Variants in LAMA3 observed in about 807,000 individuals in gnomAD.
LAMA3 encodes laminin subunit alpha 3.
LAMA3 carries 281 observed loss-of-function variants against 402.0 expected under a neutral mutation model. The observed-to-expected ratio is 0.70, with a 90% CI of 0.63 to 0.77. The LOEUF (loss-of-function observed/expected upper bound fraction) is 0.77. LAMA3 is among the 30% of genes least tolerant of loss of function. The pLI is 0.00. For missense variants in LAMA3, 3,840 were observed against 4,215.5 expected (o/e 0.91, Z 2.47); for synonymous variants, 1,431 against 1,558.4 (o/e 0.92, Z 1.93).
In LAMA3 at chr18:23,813,033, T is replaced by A. The variant is rs780154649; in HGVS notation, c.1742-24T>A. On this transcript the variant is annotated intron_variant, in intron 13 of 74. Transcript: ENST00000313654. ...GAGAAAAACAAACTACCAGATAATTTAAAAATTTCTGAATCATATTCAGGT... is the reference window on the plus strand; with the variant it reads ...GAGAAAAACAAACTACCAGATAATTAAAAAATTTCTGAATCATATTCAGGT... 50 of 1,567,302 alleles carry A rather than the reference T, an allele frequency of 3.2e-5. 1 individual carries two copies. Among genetic ancestry groups the A allele is most frequent in the Non-Finnish European group, 4.2e-5 (48 of 1,138,002 alleles).
chr18:23,847,766 C>A, intron 32 of LAMA3, 98 bp downstream of exon 32: 1 of 1,271,576 alleles, frequency 7.9e-7, no homozygotes, highest in Non-Finnish European at 1.1e-6. Context: ...CCCACCTGTC[C>A]AGGGGTGCCC....
intron 61 of LAMA3, 88 bp from the exon 62 acceptor site, chr18:23,921,364 A>T: frequency 7.1e-7 from 1 of 1,402,698 alleles, no homozygotes; most frequent in Non-Finnish European, 9.7e-7. Context: ...CTGGGGGAAG[A>T]TAAATAAAAA....
chr18:23,862,022 AC>A lies in LAMA3; in HGVS notation c.4584+217del, dbSNP rs529392275. Among the ~76,000 whole-genome samples, 166 of 152,350 alleles carry A rather than the reference AC, an allele frequency of 1.1e-3. 1 individual carries two copies. The highest frequency in any genetic ancestry group is 1.9e-3 in the Non-Finnish European group (129 of 68,032). On this transcript the variant is annotated intron_variant, in intron 35 of 74. Coordinates refer to ENST00000313654, the MANE Select transcript of LAMA3 (RefSeq NM_198129.4). ...GCCCCACCATTGCCATGCATGAGCT[AC>A]CAGCAAAGGAAATCACCCACAATGT...
At position 23,946,201 on chromosome 18, in the gene LAMA3, C is replaced by G. The variant is rs543847542; in HGVS notation, c.9268C>G (p.Arg3090Gly). Reference protein sequence around the residue: ...GRLVVDGLRAREGSLPGNSTI... With the variant: ...GRLVVDGLRAGEGSLPGNSTI... ...CTTGGTTGTGGATGGACTGAGGGCC[C>G]GGGAGGGAAGTTTGCCTGGAAACTC... Residue 3090 changes from arginine to glycine, a missense_variant, in exon 70 of 75, where the codon CGG becomes GGG. Transcript: ENST00000313654. The G allele has an allele frequency of 6.2e-7, 1 of 1,613,954 alleles. No individual in the cohort carries two copies. The highest frequency in any genetic ancestry group is 8.5e-7 in the Non-Finnish European group (1 of 1,179,936).
In LAMA3 at chr18:23,770,578, G is replaced by A. The variant is rs182484715; in HGVS notation, c.1183-2919G>A. Among the ~76,000 whole-genome samples, 183 of 152,180 alleles carry A rather than the reference G, an allele frequency of 1.2e-3. 4 individuals are homozygous for A. In the East Asian group the frequency reaches 0.027, roughly 22 times the overall value. On this transcript the variant is annotated intron_variant, in intron 8 of 74. Coordinates refer to ENST00000313654, the MANE Select transcript of LAMA3 (RefSeq NM_198129.4). Reference sequence around the variant, plus strand: ...AGATTGAGACCATCCTGGCTAATACGGTGAAACCCTGACTCTACTAAAAAT... The same window carrying A: ...AGATTGAGACCATCCTGGCTAATACAGTGAAACCCTGACTCTACTAAAAAT...
intron 2 of LAMA3, among the ~76,000 whole-genome samples, chr18:23,732,050 T>G (rs2061403393): frequency 6.6e-6 from 1 of 151,812 alleles, no homozygotes; most frequent in Non-Finnish European, 1.5e-5. Flanking sequence ...GGAACAAGGG[T>G]GTGTATTATG....
intron 1 of LAMA3, among the ~76,000 whole-genome samples, chr18:23,691,200 C>T (rs554653094): frequency 4.9e-4 from 75 of 152,172 alleles, no homozygotes; most frequent in Non-Finnish European, 7.5e-4. Context: ...TTTGACCATG[C>T]ACTTCCATAA....
At chr18:23,860,319 T>C (rs1484500097) in intron 34 of LAMA3, among the ~76,000 whole-genome samples, 1 of 144,866 alleles carries the variant, frequency 6.9e-6, no homozygotes, top group Non-Finnish European at 1.5e-5. Context: ...AGTGTAGTGG[T>C]GTGATCACAG....
At chr18:23,829,116 C>T (rs1436688127) in intron 23 of LAMA3, among the ~76,000 whole-genome samples, 2 of 152,170 alleles carry the variant, frequency 1.3e-5, no homozygotes, top group African/African-American at 4.8e-5. Context: ...TGACTATATA[C>T]ATAGACTTAT....
chr18:23,769,040 A>G (rs1034922919), intron 8 of LAMA3, among the ~76,000 whole-genome samples: 1 of 152,240 alleles, frequency 6.6e-6, no homozygotes, highest in Admixed American at 6.5e-5. Flanking sequence ...ATTGGGTACT[A>G]TGCTCAGTAC....
At chr18:23,940,267 G>A (rs185900572) in intron 68 of LAMA3, among the ~76,000 whole-genome samples, 108 of 152,286 alleles carry the variant, frequency 7.1e-4, no homozygotes, top group African/African-American at 2.1e-3. Flanking sequence ...GCCTCGGGTC[G>A]CAGTCCACAG....
intron 2 of LAMA3, among the ~76,000 whole-genome samples, chr18:23,725,574 G>C (rs1287675565): frequency 6.6e-6 from 1 of 152,134 alleles, no homozygotes; most frequent in Non-Finnish European, 1.5e-5. Context: ...TCCCCATAAG[G>C]GGGGCTCCAG....
At chr18:23,869,523 T>A (rs1287017616) in intron 37 of LAMA3, among the ~76,000 whole-genome samples, 2 of 152,204 alleles carry the variant, frequency 1.3e-5, no homozygotes, top group East Asian at 3.8e-4. Flanking sequence ...ATGCTTAAAA[T>A]GAGGGAATAT....
At chr18:23,734,099 C>T (rs191092169) in intron 2 of LAMA3, among the ~76,000 whole-genome samples, 42 of 152,328 alleles carry the variant, frequency 2.8e-4, no homozygotes, top group South Asian at 1.2e-3. Flanking sequence ...GAAAAAGTGA[C>T]GCAACATCTC....
At chr18:23,736,844 T>C (rs1163786791) in intron 2 of LAMA3, among the ~76,000 whole-genome samples, 1 of 152,136 alleles carries the variant, frequency 6.6e-6, no homozygotes, top group East Asian at 1.9e-4. Flanking sequence ...AGACCTGTCA[T>C]TGTGTGGACG....
At chr18:23,701,696 G>T (rs575136083) in intron 1 of LAMA3, among the ~76,000 whole-genome samples, 35 of 152,300 alleles carry the variant, frequency 2.3e-4, no homozygotes, top group African/African-American at 7.9e-4. Context: ...AAAAGGAAAT[G>T]ATTTGCAATT....
chr18:23,816,622 T>C (rs2063181344), intron 18 of LAMA3, 135 bp downstream of exon 18: 5 of 737,836 alleles, frequency 6.8e-6, no homozygotes, highest in South Asian at 1.5e-5. Flanking sequence ...CCTATGTCAA[T>C]TGAAATCTGG....
chr18:23,889,983 T>C (rs1205536404), intron 41 of LAMA3, 28 bp from the exon 42 acceptor site: 1 of 1,534,028 alleles, frequency 6.5e-7, no homozygotes, highest in African/African-American at 1.4e-5. Context: ...TATTTGGGTG[T>C]TTCTCCTCCT....
chr18:23,735,676 G>A (rs943023857), intron 2 of LAMA3, among the ~76,000 whole-genome samples: 3 of 152,088 alleles, frequency 2.0e-5, no homozygotes, highest in African/African-American at 7.2e-5. Context: ...TACTCCTCAC[G>A]CCAACCTTGC....
Sources: allele counts gnomAD v4.1 joint callset (sites outside exome capture counted in the v4.1 genomes callset), GRCh38; gene constraint gnomAD v4.1.1; transcripts MANE v1.5; gene names NCBI Gene and HGNC (gene_info 2026-07-23, HGNC 2026-07-21).